Variants in LEMD1 observed in about 807,000 individuals in gnomAD.
The protein encoded by LEMD1 is LEM domain containing 1.
In LEMD1, 18 loss-of-function variants were observed where a neutral mutation model predicts 17.4. That is an observed-to-expected ratio of 1.04 (90% CI 0.72 to 1.54). The LOEUF (loss-of-function observed/expected upper bound fraction) is 1.54. Ranked by LOEUF, LEMD1 falls within the 40% of genes most tolerant of loss-of-function variation. The pLI, the probability that LEMD1 is intolerant of heterozygous loss-of-function variation, is 0.00. For synonymous variants in LEMD1, 88 were observed against 77.8 expected (o/e 1.13, Z -0.69); for missense variants, 195 against 210.4 (o/e 0.93, Z 0.45).
chr1:205,447,585 G>A (rs1355081156), intron 1 of LEMD1, among the ~76,000 whole-genome samples: 1 of 152,020 alleles, frequency 6.6e-6, no homozygotes, highest in Non-Finnish European at 1.5e-5. Context: ...GGGGGCAGGG[G>A]AAGGAATGTG....
At chr1:205,383,652 G>C (rs1305143702) in intron 5 of LEMD1, among the ~76,000 whole-genome samples, 1 of 64,146 alleles carries the variant, frequency 1.6e-5, no homozygotes, top group Non-Finnish European at 3.1e-5. Context: ...TTTTTTTTTT[G>C]AGGCAGAGTC....
intron 4 of LEMD1, among the ~76,000 whole-genome samples, chr1:205,402,631 C>A (rs548785228): frequency 6.6e-6 from 1 of 152,190 alleles, no homozygotes; most frequent in African/African-American, 2.4e-5. Flanking sequence ...AGATATACAA[C>A]CATGTCGTCT....
intron 1 of LEMD1, among the ~76,000 whole-genome samples, chr1:205,430,386 A>G (rs989944440): frequency 1.3e-5 from 2 of 152,178 alleles, no homozygotes; most frequent in African/African-American, 4.8e-5. Context: ...AGAGATGGGC[A>G]TGGATCCCAG....
intron 4 of LEMD1, among the ~76,000 whole-genome samples, chr1:205,407,905 GA>G (rs950712757): frequency 3.3e-5 from 5 of 152,064 alleles, no homozygotes; most frequent in Non-Finnish European, 5.9e-5. Context: ...TTGGCATGAG[GA>G]AAAAAACCCA....
chr1:205,413,133 A>G (rs926370370), intron 4 of LEMD1, among the ~76,000 whole-genome samples: 3 of 152,220 alleles, frequency 2.0e-5, no homozygotes, highest in African/African-American at 7.2e-5. Flanking sequence ...TAAACTTAGC[A>G]ACTAGTTTAA....
intron 1 of LEMD1, among the ~76,000 whole-genome samples, chr1:205,445,999 C>T (rs982700343): frequency 3.3e-5 from 5 of 152,142 alleles, no homozygotes; most frequent in African/African-American, 7.2e-5. Context: ...GGCCCACTCT[C>T]GCAAGGGAGG....
chr1:205,391,616 C>T (rs1162606376), intron 4 of LEMD1, among the ~76,000 whole-genome samples: 1 of 152,192 alleles, frequency 6.6e-6, no homozygotes, highest in African/African-American at 2.4e-5. Flanking sequence ...TGCTCCGCGC[C>T]TGGGTGGTGT....
intron 5 of LEMD1, chr1:205,382,194 G>C (rs1663741054): frequency 4.4e-6 from 1 of 228,862 alleles, no homozygotes; most frequent in Non-Finnish European, 8.6e-6. Context: ...TCGTAGGCCA[G>C]GTGTGGTGGT....
intron 1 of LEMD1, 29 bp from the exon 2 acceptor site, chr1:205,420,603 A>G: frequency 8.3e-7 from 1 of 1,199,828 alleles, no homozygotes; most frequent in Non-Finnish European, 1.2e-6. Flanking sequence ...TAAATTCATT[A>G]AGACAGCCTT....
At chr1:205,382,822 C>T (rs922856743) in intron 5 of LEMD1, among the ~76,000 whole-genome samples, 9 of 152,128 alleles carry the variant, frequency 5.9e-5, no homozygotes, top group Non-Finnish European at 4.4e-5. Context: ...AGAGGAAAAG[C>T]GCCTTTGCAA....
chr1:205,437,010 T>A (rs1224927910), intron 1 of LEMD1: 1 of 152,414 alleles, frequency 6.6e-6, no homozygotes, highest in East Asian at 1.9e-4. Flanking sequence ...CAGGAGTCAG[T>A]CATGGCAGAA....
chr1:205,427,542 G>A lies in LEMD1; in HGVS notation c.-38-6968C>T, dbSNP rs75574428. On this transcript the variant is annotated intron_variant, in intron 1 of 3. Transcript: ENST00000367154. Reference sequence around the variant, plus strand: ...GAGACAGACAGAGCGCACACTCAAGGGAATGGGTTTTCACCGCAGTACACG... The same window carrying A: ...GAGACAGACAGAGCGCACACTCAAGAGAATGGGTTTTCACCGCAGTACACG... Among the ~76,000 whole-genome samples the A allele has an allele frequency of 6.2e-3, 941 of 151,836 alleles. 7 individuals carry two copies. Among genetic ancestry groups the A allele is most frequent in the African/African-American group, 0.021 (878 of 41,358 alleles).
At chr1:205,394,515 G>T (rs1448170872) in intron 4 of LEMD1, among the ~76,000 whole-genome samples, 1 of 151,990 alleles carries the variant, frequency 6.6e-6, no homozygotes, top group Non-Finnish European at 1.5e-5. Flanking sequence ...CTCCCAAGTA[G>T]CTGGGATTAC....
chr1:205,404,731 T>A (rs1363340856), intron 4 of LEMD1, among the ~76,000 whole-genome samples: 1 of 152,180 alleles, frequency 6.6e-6, no homozygotes, highest in African/African-American at 2.4e-5. Context: ...TGTGTGAATT[T>A]GATCCTGTCA....
At chr1:205,417,391 C>A (rs1301983340) in intron 3 of LEMD1, among the ~76,000 whole-genome samples, 2 of 152,336 alleles carry the variant, frequency 1.3e-5, no homozygotes, top group East Asian at 1.9e-4. Context: ...GAGACCACAA[C>A]AGCTTGGTTT....
intron 1 of LEMD1, among the ~76,000 whole-genome samples, chr1:205,427,688 C>T (rs1666075442): frequency 6.6e-6 from 1 of 152,102 alleles, no homozygotes. Context: ...TTAAAGGAGA[C>T]TCTGTACCAG....
At chr1:205,408,502 CTTTT>C (rs573634699) in intron 4 of LEMD1, among the ~76,000 whole-genome samples, 14 of 136,852 alleles carry the variant, frequency 1.0e-4, no homozygotes, top group Middle Eastern at 3.9e-3. Flanking sequence ...TTCTTTCTTT[CTTTT>C]TTTTTTTTTT....
upstream of LEMD1, among the ~76,000 whole-genome samples, chr1:205,425,602 G>C (rs184690620): frequency 6.6e-6 from 1 of 152,196 alleles, no homozygotes; most frequent in African/African-American, 2.4e-5. Flanking sequence ...ATGAGGAAAC[G>C]AGTGAGCCCA....
chr1:205,445,864 CT>C (rs1666380790), intron 1 of LEMD1, among the ~76,000 whole-genome samples: 1 of 152,238 alleles, frequency 6.6e-6, no homozygotes, highest in African/African-American at 2.4e-5. Flanking sequence ...GGGAGAGAGA[CT>C]TTTTTTCCCC....
Sources: allele counts gnomAD v4.1 joint callset (sites outside exome capture counted in the v4.1 genomes callset), GRCh38; gene constraint gnomAD v4.1.1; transcripts MANE v1.5; gene names NCBI Gene and HGNC (gene_info 2026-07-23, HGNC 2026-07-21).